Variants in PAPPA observed in about 807,000 individuals in gnomAD.
PAPPA encodes the protein pappalysin 1, also known as pappalysin-1.
A neutral mutation model predicts 164.0 loss-of-function variants in PAPPA; 60 were observed. That is an observed-to-expected ratio of 0.37 (90% CI 0.30 to 0.45). PAPPA has a LOEUF of 0.45. Among genes scored for constraint, PAPPA ranks in the 20% least tolerant of loss-of-function variants. PAPPA has a pLI of 1.00. For missense variants in PAPPA, 1,782 were observed against 2,087.3 expected (o/e 0.85, Z 2.85); for synonymous variants, 875 against 814.1 (o/e 1.07, Z -1.27).
rs1448030804 is a variant in PAPPA at position 116,401,240 on chromosome 9, T to A, written c.*4624T>A. ...GTTAAAAGCTGATTATGTCCTACAA[T>A]GTCAAAGTCAGCTAACTGTCGTCTA... is the stretch of plus-strand genomic sequence containing the variant. On this transcript the variant is annotated 3_prime_UTR_variant, in exon 22 of 22. Transcript: ENST00000328252. 2 of 152,592 alleles carry A rather than the reference T, an allele frequency of 1.3e-5. No homozygotes were observed. The highest frequency in any genetic ancestry group is 2.9e-5 in the Non-Finnish European group (2 of 68,038). 9.5% of individuals were successfully genotyped at this position (152,592 alleles called of 1,614,324 possible). A position where few individuals can be genotyped will look rare whatever the true frequency, so the allele number is the denominator to read the frequency against.
intron 10 of PAPPA, among the ~76,000 whole-genome samples, chr9:116,311,540 T>C (rs925873906): frequency 6.6e-6 from 1 of 152,176 alleles, no homozygotes; most frequent in Non-Finnish European, 1.5e-5. Flanking sequence ...AACATTGTAG[T>C]GTAGCCATAT....
At chr9:116,188,438 G>GGAA (rs1461768275) in intron 2 of PAPPA, among the ~76,000 whole-genome samples, 1 of 152,080 alleles carries the variant, frequency 6.6e-6, no homozygotes, top group Non-Finnish European at 1.5e-5. Context: ...GAGTCATGAG[G>GGAA]GAAGCCTGAG....
chr9:116,387,954 T>A (rs1846838245), intron 21 of PAPPA, among the ~76,000 whole-genome samples: 2 of 152,182 alleles, frequency 1.3e-5, no homozygotes, highest in South Asian at 4.1e-4. Flanking sequence ...GCACTCAGCA[T>A]CTTCTCCCAG....
At position 116,187,805 on chromosome 9, in the gene PAPPA, G is replaced by A. The variant is rs1843993319; in HGVS notation, c.1067G>A (p.Arg356His). The change falls in exon 2 of 22, where the codon CGC (arginine) becomes CAC (histidine). Residue 356 changes from arginine (R) to histidine (H), a missense_variant. This residue lies in a region of PAPPA where 1,324 missense variants were observed against 1,656.9 expected (regional missense o/e 0.80). Coordinates refer to ENST00000328252, the MANE Select transcript of PAPPA (RefSeq NM_002581.5). The surrounding 1 kb of genome is among the most constrained non-coding windows in gnomAD (Gnocchi z 4.2). ...CGCCAGCCCAAGGTGGTGCGCTACC[G>A]CGTGGTCAACCTCTATGAAGATGAT... ...SFRQPKVVRYRVVNLYEDDHK... is the reference protein window; with the variant it reads ...SFRQPKVVRYHVVNLYEDDHK... The A allele has an allele frequency of 6.8e-6, 11 of 1,614,244 alleles. No individual in the cohort carries two copies. Among genetic ancestry groups the A allele is most frequent in the Non-Finnish European group, 9.3e-6 (11 of 1,180,054 alleles).
intron 9 of PAPPA, among the ~76,000 whole-genome samples, chr9:116,300,288 G>GT (rs1185931458): frequency 3.9e-5 from 5 of 129,826 alleles, no homozygotes; most frequent in Non-Finnish European, 7.0e-5. Context: ...TTGTTTTTTT[G>GT]TTTTTTTCAG....
At chr9:116,320,575 A>T (rs765591897) in intron 10 of PAPPA, among the ~76,000 whole-genome samples, 13 of 151,654 alleles carry the variant, frequency 8.6e-5, no homozygotes, top group Non-Finnish European at 1.6e-4. Context: ...AACGCAAACC[A>T]CCCCTCCCTT....
intron 10 of PAPPA, among the ~76,000 whole-genome samples, chr9:116,319,397 C>T (rs1845826377): frequency 6.6e-6 from 1 of 152,202 alleles, no homozygotes; most frequent in East Asian, 1.9e-4. Flanking sequence ...GTCTGCAGAA[C>T]GGGGAGCTGA....
intron 19 of PAPPA, among the ~76,000 whole-genome samples, chr9:116,369,025 C>T (rs1159716313): frequency 2.6e-5 from 4 of 152,086 alleles, no homozygotes; most frequent in African/African-American, 9.7e-5. Context: ...TCATCTTACT[C>T]TCACTAATTT....
intron 7 of PAPPA, among the ~76,000 whole-genome samples, chr9:116,243,045 G>A (rs1012362966): frequency 9.9e-5 from 15 of 151,954 alleles, no homozygotes; most frequent in Admixed American, 3.9e-4. Flanking sequence ...TTTCTCATTC[G>A]TTAAATTGGG....
intron 9 of PAPPA, among the ~76,000 whole-genome samples, chr9:116,275,068 G>A (rs1389279779): frequency 6.6e-6 from 1 of 152,174 alleles, no homozygotes; most frequent in Admixed American, 6.5e-5. Context: ...TCTTGGGCTT[G>A]GAATTGAGCT....
At chr9:116,163,045 A>C (rs954609901) in intron 1 of PAPPA, among the ~76,000 whole-genome samples, 8 of 152,224 alleles carry the variant, frequency 5.3e-5, no homozygotes, top group Non-Finnish European at 8.8e-5. Flanking sequence ...TTTCCTGCCC[A>C]AGCATGCAAC....
chr9:116,304,199 TA>T (rs1053059529), intron 10 of PAPPA, among the ~76,000 whole-genome samples: 18 of 152,320 alleles, frequency 1.2e-4, no homozygotes, highest in African/African-American at 4.3e-4. Flanking sequence ...GCTCCCCCAT[TA>T]GGCTGCTGGT....
chr9:116,155,758 A>T (rs1364562828), intron 1 of PAPPA, among the ~76,000 whole-genome samples: 1 of 152,122 alleles, frequency 6.6e-6, no homozygotes, highest in Non-Finnish European at 1.5e-5. Flanking sequence ...TCCAGTTGAC[A>T]TGAAGACCCC....
At chr9:116,296,639 C>G (rs1054028284) in intron 9 of PAPPA, among the ~76,000 whole-genome samples, 7 of 152,090 alleles carry the variant, frequency 4.6e-5, no homozygotes, top group Admixed American at 6.6e-5. Flanking sequence ...ATAGAGAAGA[C>G]TTGCAAAGGA....
At chr9:116,210,352 C>T (rs1445569297) in intron 3 of PAPPA, among the ~76,000 whole-genome samples, 1 of 152,160 alleles carries the variant, frequency 6.6e-6, no homozygotes, top group East Asian at 1.9e-4. Flanking sequence ...TGCATAGACT[C>T]TATGAGTCCC....
At chr9:116,287,942 C>T (rs982809073) in intron 9 of PAPPA, among the ~76,000 whole-genome samples, 10 of 152,142 alleles carry the variant, frequency 6.6e-5, no homozygotes, top group Non-Finnish European at 1.3e-4. Flanking sequence ...CTTCATTTGG[C>T]GGAATCTGAC....
At chr9:116,188,766 G>A (rs1044105383) in intron 2 of PAPPA, among the ~76,000 whole-genome samples, 1 of 152,114 alleles carries the variant, frequency 6.6e-6, no homozygotes, top group Non-Finnish European at 1.5e-5. Flanking sequence ...GGGTCGCATG[G>A]GGCTAGAAAA....
intron 9 of PAPPA, among the ~76,000 whole-genome samples, chr9:116,277,930 AGTGCTGGGATTACAGGC>A (rs572541680): frequency 1.0e-3 from 155 of 152,304 alleles, no homozygotes; most frequent in African/African-American, 3.5e-3. Context: ...GGCCTCCCAA[AGTGCTGGGATTACAGGC>A]GTGAGCCACC....
intron 15 of PAPPA, among the ~76,000 whole-genome samples, chr9:116,349,145 C>A (rs902366697): frequency 2.7e-5 from 4 of 149,832 alleles, no homozygotes; most frequent in Non-Finnish European, 5.9e-5. Flanking sequence ...TCCTTGCAAT[C>A]CCCCCGTACC....
Sources: gnomAD v4.1 joint callset for allele counts (sites outside exome capture counted in the v4.1 genomes callset) on GRCh38, gnomAD v4.1.1 for gene constraint, gnomAD v4.1.1 regional missense constraint, Gnocchi (gnomAD v3.1) non-coding constraint, MANE v1.5 for transcripts, NCBI Gene and HGNC (gene_info 2026-07-23, HGNC 2026-07-21) for gene names.